The following ZNF382 variants were observed in gnomAD, a reference collection of about 807,000 sequenced individuals.
ZNF382 encodes the protein KRAB/zinc finger suppressor protein 1.
ZNF382 carries 20 observed loss-of-function variants against 38.8 expected under a neutral mutation model. That is an observed-to-expected ratio of 0.51 (90% confidence interval 0.36 to 0.75). ZNF382 has a LOEUF of 0.75. ZNF382 is among the 30% of genes least tolerant of loss of function. The pLI, the probability that ZNF382 is intolerant of heterozygous loss-of-function variation, is 0.00. For missense variants in ZNF382, 546 were observed against 654.1 expected (o/e 0.83, Z 1.80); for synonymous variants, 202 against 223.1 (o/e 0.91, Z 0.84).
At position 36,633,206 on chromosome 19, in the gene ZNF382, T is replaced by A. The variant is rs959947952; in HGVS notation, c.*5656T>A. ...GGCACCTGCCACCATGCCCAGCTAA[T>A]TTTTTGTATTTTTAGTAGAGACGGG... On this transcript the variant is annotated 3_prime_UTR_variant, in exon 5 of 5. Transcript: ENST00000292928. 1 of 152,190 alleles carries A rather than the reference T, an allele frequency of 6.6e-6. No homozygotes were observed. Among genetic ancestry groups the A allele is most frequent in the Non-Finnish European group, 1.5e-5 (1 of 68,134 alleles). The allele number at this position is 152,190 out of a possible 1,614,324, so 9.4% of individuals were successfully genotyped here.
intron 2 of ZNF382, 157 bp from the exon 3 acceptor site, chr19:36,609,745 A>G: frequency 1.5e-6 from 1 of 672,244 alleles, no homozygotes; most frequent in East Asian, 3.4e-5. Flanking sequence ...TGATCTCAGT[A>G]TGTTTAGCAT....
intron 4 of ZNF382, among the ~76,000 whole-genome samples, chr19:36,614,984 T>G (rs1207459048): frequency 8.2e-6 from 1 of 121,626 alleles, no homozygotes; most frequent in Non-Finnish European, 1.7e-5. Flanking sequence ...CTTTCCTTCT[T>G]TCTTTTTTTT....
At position 36,631,937 on chromosome 19, in the gene ZNF382, A is replaced by G. The variant is rs1213550652; in HGVS notation, c.*4387A>G. 5 of 152,338 alleles carry G rather than the reference A, an allele frequency of 3.3e-5. No individual in the cohort carries two copies. In the South Asian group the frequency reaches 6.2e-4, roughly 19 times the overall value. 9.4% of individuals were successfully genotyped at this position (152,338 alleles called of 1,614,324 possible). A position where few individuals can be genotyped will look rare whatever the true frequency, so the allele number is the denominator to read the frequency against. ...CATAAGGCATATGCAAAATGAGTTC[A>G]TCAGTTCAGAGGACTAACAGGACTC... On this transcript the variant is annotated 3_prime_UTR_variant, in exon 5 of 5. Coordinates refer to ENST00000292928, the MANE Select transcript of ZNF382 (RefSeq NM_032825.5).
intron 4 of ZNF382, among the ~76,000 whole-genome samples, chr19:36,623,410 C>T (rs1568631323): frequency 6.6e-6 from 1 of 151,984 alleles, no homozygotes. Context: ...AATCTTAGGC[C>T]GTTGGAAAAT....
chr19:36,606,272 T>A (rs987905379), intron 1 of ZNF382, among the ~76,000 whole-genome samples: 1 of 151,976 alleles, frequency 6.6e-6, no homozygotes, highest in Non-Finnish European at 1.5e-5. Context: ...AAAACCAGTA[T>A]GTTGAAATGA....
chr19:36,611,276 C>G (rs1284255515), intron 4 of ZNF382, among the ~76,000 whole-genome samples: 2 of 151,808 alleles, frequency 1.3e-5, no homozygotes, highest in African/African-American at 4.8e-5. Flanking sequence ...GGCGACAGAG[C>G]GAGACTCCAT....
chr19:36,614,962 TC>T, intron 4 of ZNF382, among the ~76,000 whole-genome samples: 1 of 134,944 alleles, frequency 7.4e-6, no homozygotes, highest in South Asian at 2.4e-4. Context: ...TCCCTTCCTT[TC>T]CTTTCCTTTC....
At chr19:36,624,626 A>T (rs1455676831) in intron 4 of ZNF382, among the ~76,000 whole-genome samples, 2 of 152,202 alleles carry the variant, frequency 1.3e-5, no homozygotes, top group Admixed American at 1.3e-4. Context: ...AAGGTAGGTG[A>T]TGTATTGGGA....
intron 4 of ZNF382, among the ~76,000 whole-genome samples, 197 bp downstream of exon 4, chr19:36,610,939 C>T (rs2037072522): frequency 6.6e-6 from 1 of 152,172 alleles, no homozygotes; most frequent in East Asian, 1.9e-4. Flanking sequence ...CATCCATCTC[C>T]AGAACTATTC....
Position 36,627,244 on chromosome 19 carries a change from A to C in ZNF382, c.1347A>C (p.Thr449=), listed in dbSNP as rs762483446. The C allele has an allele frequency of 6.2e-7, 1 of 1,613,762 alleles. No homozygotes were observed. Among genetic ancestry groups the C allele is most frequent in the East Asian group, 2.2e-5 (1 of 44,852 alleles). The stretch of plus-strand genomic sequence containing the variant: ...GTGGGAAGTCCTTCTGCCAAAAGAC[A>C]ACCCTCACTCTCCACCAGAGAATTC... ...NECGKSFCQK[T]TLTLHQRIHT... is the part of the protein sequence containing the mutation. The change falls in exon 5 of 5, where the codon ACA becomes ACC. Residue 449 remains threonine (T), a synonymous_variant. Coordinates refer to ENST00000292928, the MANE Select transcript of ZNF382 (RefSeq NM_032825.5).
rs902744321 is a variant in ZNF382, at chr19:36,626,197, C to T, written c.300C>T (p.Pro100=). 6.3e-7 allele frequency: 1 copy of T among 1,594,346 alleles called. No homozygotes were observed. The highest frequency in any genetic ancestry group is 8.5e-7 in the Non-Finnish European group (1 of 1,174,414). The change falls in exon 5 of 5, where the codon CCC becomes CCT. Residue 100 remains proline, a synonymous_variant. Coordinates refer to ENST00000292928, the MANE Select transcript of ZNF382 (RefSeq NM_032825.5). The part of the protein sequence containing the change: ...FKEYQDRHSR[P]LIFINHKKLI... The stretch of plus-strand genomic sequence containing the variant: ...AATACCAAGACAGGCATTCTAGACC[C>T]CTCATATTCATCAACCACAAAAAAC...
intron 4 of ZNF382, among the ~76,000 whole-genome samples, chr19:36,615,928 TA>T (rs2037122707): frequency 6.6e-6 from 1 of 152,196 alleles, no homozygotes; most frequent in Admixed American, 6.5e-5. Flanking sequence ...CCAACAATAT[TA>T]AACTCATCTT....
In ZNF382 at chr19:36,631,952, T is replaced by C. The variant is rs1485107838; in HGVS notation, c.*4402T>C. On this transcript the variant is annotated 3_prime_UTR_variant, in exon 5 of 5. Transcript: ENST00000292928. ...AAATGAGTTCATCAGTTCAGAGGACTAACAGGACTCCACAGAGCATACCCA... is the reference window on the plus strand; with the variant it reads ...AAATGAGTTCATCAGTTCAGAGGACCAACAGGACTCCACAGAGCATACCCA... The C allele has an allele frequency of 6.6e-6, 1 of 152,194 alleles. No individual in the cohort carries two copies. The highest frequency in any genetic ancestry group is 1.9e-4 in the East Asian group (1 of 5,190). 9.4% of individuals were successfully genotyped at this position (152,194 alleles called of 1,614,324 possible). A position where few individuals can be genotyped will look rare whatever the true frequency, so the allele number is the denominator to read the frequency against.
At chr19:36,624,090 A>G (rs1353349808) in intron 4 of ZNF382, among the ~76,000 whole-genome samples, 1 of 148,216 alleles carries the variant, frequency 6.7e-6, no homozygotes, top group Non-Finnish European at 1.5e-5. Flanking sequence ...CTTTGTCTCA[A>G]AAAAAAAAAG....
intron 4 of ZNF382, among the ~76,000 whole-genome samples, chr19:36,622,231 G>T (rs2145330431): frequency 1.3e-5 from 2 of 152,166 alleles, no homozygotes; most frequent in South Asian, 4.2e-4. Context: ...ATGTTGGCCA[G>T]GCTGGTCTCA....
intron 4 of ZNF382, 129 bp from the exon 5 acceptor site, chr19:36,626,001 A>G: frequency 3.6e-6 from 2 of 561,642 alleles, no homozygotes; most frequent in South Asian, 5.6e-5. Flanking sequence ...TTCCCTACCA[A>G]GAGGTAATTT....
chr19:36,621,327 T>G (rs893125256), intron 4 of ZNF382, among the ~76,000 whole-genome samples: 2 of 98,598 alleles, frequency 2.0e-5, no homozygotes, highest in Non-Finnish European at 4.9e-5. Context: ...TTCCCTAGTT[T>G]TTTTTTTTTT....
At chr19:36,619,795 A>G (rs2037154733) in intron 4 of ZNF382, among the ~76,000 whole-genome samples, 1 of 151,242 alleles carries the variant, frequency 6.6e-6, no homozygotes, top group African/African-American at 2.4e-5. Context: ...CAGTGGCACG[A>G]TCTCGGCTCA....
intron 2 of ZNF382, chr19:36,609,288 A>C (rs2037058778): frequency 6.6e-6 from 1 of 152,178 alleles, no homozygotes; most frequent in Non-Finnish European, 1.5e-5. Flanking sequence ...TGTTCAGTAT[A>C]TCTTTAAGAC....
Sources: allele counts gnomAD v4.1 joint callset (sites outside exome capture counted in the v4.1 genomes callset), GRCh38; gene constraint gnomAD v4.1.1; transcripts MANE v1.5; gene names NCBI Gene and HGNC (gene_info 2026-07-23, HGNC 2026-07-21).